SZT2: variants seen among roughly 807,000 people sequenced by gnomAD.
The protein encoded by SZT2 is KICSTOR complex protein SZT2.
Under a neutral mutation model 404.2 loss-of-function variants are expected in SZT2, and 216 were observed. The ratio of observed to expected loss-of-function variants is 0.53; its 90% confidence interval spans 0.48 to 0.60. The LOEUF is 0.60. SZT2 is among the 20% of genes least tolerant of loss of function. The pLI, the probability that SZT2 is intolerant of heterozygous loss-of-function variation, is 0.00. For missense variants in SZT2, 3,857 were observed against 4,459.2 expected (o/e 0.86, Z 3.85); for synonymous variants, 1,693 against 1,749.9 (o/e 0.97, Z 0.81).
In SZT2 at chr1:43,450,308, C is replaced by A. The variant is rs753611398; in HGVS notation, c.10156-29C>A. 5.6e-6 allele frequency: 9 copies of A among 1,613,748 alleles called. No homozygotes were observed. In the African/African-American group the frequency reaches 1.2e-4, roughly 22 times the overall value. ...TATCCCCACCCATGCCCTCCTCTCA[C>A]CAGTGCATCCCCACCGTGTTCCCCA... On this transcript the variant is annotated intron_variant, in intron 71 of 71. Transcript: ENST00000634258. This position sits in a 1 kb window ranked among gnomAD's most constrained non-coding sequence, Gnocchi z 4.3.
chr1:43,404,039 C>G (rs1649998328), intron 3 of SZT2: 8 of 527,388 alleles, frequency 1.5e-5, no homozygotes, highest in Non-Finnish European at 2.4e-5. Flanking sequence ...GCAAAACTCC[C>G]TCTCTATAAA....
Position 43,450,685 on chromosome 1 carries a change from T to A in SZT2, c.*205T>A. ...GCCCTCCCCAAACACCCACAGCCAC[T>A]GACCCATCCAGGACTCCAGAGAGTC... is the stretch of plus-strand genomic sequence containing the variant. On this transcript the variant is annotated 3_prime_UTR_variant, in exon 72 of 72. Transcript: ENST00000634258. This position sits in a 1 kb window ranked among gnomAD's most constrained non-coding sequence, Gnocchi z 4.3. 1.3e-6 allele frequency: 1 copy of A among 783,572 alleles called. No individual in the cohort carries two copies. Among genetic ancestry groups the A allele is most frequent in the Non-Finnish European group, 2.1e-6 (1 of 481,668 alleles). 48.5% of individuals were successfully genotyped at this position (783,572 alleles called of 1,614,324 possible).
Position 43,427,290 on chromosome 1 carries a change from G to T in SZT2, c.3443G>T (p.Arg1148Leu), listed in dbSNP as rs142611359. The change falls in exon 25 of 72, where the codon CGT becomes CTT. Residue 1148 changes from arginine (R) to leucine (L), a missense_variant. Physicochemically the swap from Arg to Leu is moderately radical, Grantham distance 102. This residue lies in a region of SZT2 where 1,725 missense variants were observed against 1,881.0 expected (regional missense o/e 0.92). Coordinates refer to ENST00000634258, the MANE Select transcript of SZT2 (RefSeq NM_001365999.1). ...GTCTGATCCTCTTCAGATGTCCAGC[G>T]TCTGGCTGCCTGTGGCCTGGAGGGA... Reference protein sequence around the residue: ...FLPATFSDVQRLAACGLEGPP... With the variant: ...FLPATFSDVQLLAACGLEGPP... The T allele has an allele frequency of 5.6e-6, 9 of 1,609,968 alleles. No homozygotes were observed. In the South Asian group the frequency reaches 9.9e-5, roughly 18 times the overall value.
chr1:43,416,933 G>A (rs1212709687), intron 7 of SZT2, among the ~76,000 whole-genome samples: 1 of 152,092 alleles, frequency 6.6e-6, no homozygotes, highest in African/African-American at 2.4e-5. Flanking sequence ...TTATTGTTTT[G>A]AGTGCAAGGG....
Position 43,424,314 on chromosome 1 carries a change from A to G in SZT2, c.2353A>G (p.Ser785Gly), listed in dbSNP as rs754599484. The G allele has an allele frequency of 1.2e-5, 19 of 1,597,912 alleles. No homozygotes were observed. In the Admixed American group the frequency reaches 3.0e-4, roughly 25 times the overall value. Residue 785 changes from serine (S) to glycine (G), a missense_variant, in exon 16 of 72, where the codon AGC becomes GGC. By Grantham distance (56) the Ser-to-Gly change is moderately conservative. Coordinates refer to ENST00000634258, the MANE Select transcript of SZT2 (RefSeq NM_001365999.1). The surrounding 1 kb of genome is among the most constrained non-coding windows in gnomAD (Gnocchi z 4.1). Reference protein sequence around the residue: ...PLVSGRSASSSLASLSRYLYH... With the variant: ...PLVSGRSASSGLASLSRYLYH... ...GGTGTCAGGCCGCTCAGCCTCTTCTAGCCTGGCGTCACTGTCCCGCTACCT... is the reference window on the plus strand; with the variant it reads ...GGTGTCAGGCCGCTCAGCCTCTTCTGGCCTGGCGTCACTGTCCCGCTACCT...
intron 1 of SZT2, among the ~76,000 whole-genome samples, chr1:43,391,265 G>A (rs934956940): frequency 6.6e-6 from 1 of 151,578 alleles, no homozygotes. Context: ...GATGAGCTGA[G>A]ATCATGCCAT....
At position 43,438,837 on chromosome 1, in the gene SZT2, C is replaced by G; in HGVS notation, c.6627+20C>G. ...GTGGAGGTCAGCTCCCCTCTAGGCA[C>G]CAGCATCCTTCCCAGACTCAGCCAC... On this transcript the variant is annotated intron_variant, in intron 47 of 71. Transcript: ENST00000634258. 6.2e-7 allele frequency: 1 copy of G among 1,611,600 alleles called. No homozygotes were observed. The highest frequency in any genetic ancestry group is 8.5e-7 in the Non-Finnish European group (1 of 1,178,254).
At chr1:43,438,597 C>T in intron 46 of SZT2, 102 bp from the exon 47 acceptor site, 2 of 1,110,984 alleles carry the variant, frequency 1.8e-6, no homozygotes, top group Non-Finnish European at 2.7e-6. Flanking sequence ...AACACTGCCT[C>T]TAGTATACAG....
Position 43,453,712 on chromosome 1 carries a change from C to T in SZT2, c.*3232C>T. 7.1e-7 allele frequency: 1 copy of T among 1,407,210 alleles called. No individual in the cohort carries two copies. Among genetic ancestry groups the T allele is most frequent in the Non-Finnish European group, 9.2e-7 (1 of 1,091,020 alleles). The allele number at this position is 1,407,210 out of a possible 1,614,324, so 87.2% of individuals were successfully genotyped here. ...TCGACGGCCTCGAAGCCCGAGCTGCCCGCGGCCCGCACCCGCGCGGGGAGG... is the reference window on the plus strand; with the variant it reads ...TCGACGGCCTCGAAGCCCGAGCTGCTCGCGGCCCGCACCCGCGCGGGGAGG... On this transcript the variant is annotated 3_prime_UTR_variant, in exon 72 of 72. Coordinates refer to ENST00000634258, the MANE Select transcript of SZT2 (RefSeq NM_001365999.1).
intron 32 of SZT2, 74 bp from the exon 33 acceptor site, chr1:43,430,874 CT>C: frequency 6.3e-7 from 1 of 1,583,508 alleles, no homozygotes; most frequent in Non-Finnish European, 8.6e-7. Flanking sequence ...AGGGTTATGT[CT>C]TTTAACACAT....
Position 43,446,279 on chromosome 1 carries a change from AGT to A in SZT2, c.8997+22_8997+23del. On this transcript the variant is annotated intron_variant, in intron 64 of 71. Coordinates refer to ENST00000634258, the MANE Select transcript of SZT2 (RefSeq NM_001365999.1). ...TTCCAGGTAAGCAGGAGGAGCACTG[AGT>A]GGAGACAGCCAGACCCACCTGTCTC... 6.2e-7 allele frequency: 1 copy of A among 1,614,200 alleles called. No homozygotes were observed. The highest frequency in any genetic ancestry group is 1.1e-5 in the South Asian group (1 of 91,088).
At chr1:43,400,482 CACTTACT>C (rs1391648836) in intron 1 of SZT2, among the ~76,000 whole-genome samples, 2 of 152,232 alleles carry the variant, frequency 1.3e-5, no homozygotes, top group Non-Finnish European at 2.9e-5. Flanking sequence ...TCTGAGCCTA[CACTTACT>C]ACTTACGTTG....
chr1:43,446,560 C>A, intron 65 of SZT2, 144 bp downstream of exon 65: 3 of 962,210 alleles, frequency 3.1e-6, no homozygotes, highest in South Asian at 3.0e-5. Context: ...CTGGCTAGGT[C>A]AGTGCTCATT....
chr1:43,442,422 C>A lies in SZT2; in HGVS notation c.7975-20C>A. 1 of 1,612,124 alleles carries A rather than the reference C, an allele frequency of 6.2e-7. No homozygotes were observed. The highest frequency in any genetic ancestry group is 2.2e-5 in the East Asian group (1 of 44,848). ...AAGAGGGGTTCCGTGATCTCACTGA[C>A]CCTGACCCCCGACCTCCAGCTACAG... is the stretch of plus-strand genomic sequence containing the variant. On this transcript the variant is annotated intron_variant, in intron 57 of 71. Transcript: ENST00000634258. The surrounding 1 kb of genome is among the most constrained non-coding windows in gnomAD (Gnocchi z 4.5).
intron 4 of SZT2, among the ~76,000 whole-genome samples, chr1:43,414,543 C>T (rs1028893013): frequency 7.2e-5 from 11 of 152,146 alleles, no homozygotes; most frequent in South Asian, 4.2e-4. Flanking sequence ...TCTCTTGCCT[C>T]CCAAGTAGCT....
In SZT2 at chr1:43,454,091, C is replaced by G; in HGVS notation, c.*3611C>G. 1.8e-6 allele frequency: 2 copies of G among 1,093,220 alleles called. No homozygotes were observed. Among genetic ancestry groups the G allele is most frequent in the Non-Finnish European group, 2.2e-6 (2 of 898,918 alleles). 67.7% of individuals were successfully genotyped at this position (1,093,220 alleles called of 1,614,324 possible). On this transcript the variant is annotated 3_prime_UTR_variant, in exon 72 of 72. Coordinates refer to ENST00000634258, the MANE Select transcript of SZT2 (RefSeq NM_001365999.1). ...AGCTCCAGGGCCTGAGAGCCGGACG[C>G]GAAGCAAGAGAGAGCTGGCTGCCCG...
chr1:43,442,317 G>A lies in SZT2; in HGVS notation c.7923G>A (p.Gly2641=). 19 of 1,614,146 alleles carry A rather than the reference G, an allele frequency of 1.2e-5. No individual in the cohort carries two copies. The highest frequency in any genetic ancestry group is 1.6e-4 in the Middle Eastern group (1 of 6,062). Reference sequence around the variant, plus strand: ...AGCCAGGAGGTGATGGGAGCTCAGGGCGAAATGCTCCCCGGCAGAGGCTCT... The same window carrying A: ...AGCCAGGAGGTGATGGGAGCTCAGGACGAAATGCTCCCCGGCAGAGGCTCT... ...RFEPGGDGSS[G]RNAPRQRLLL... is the part of the protein sequence containing the mutation. The change falls in exon 57 of 72, where the codon GGG becomes GGA. Residue 2641 remains glycine, a synonymous_variant. Coordinates refer to ENST00000634258, the MANE Select transcript of SZT2 (RefSeq NM_001365999.1). This position sits in a 1 kb window ranked among gnomAD's most constrained non-coding sequence, Gnocchi z 4.5.
chr1:43,403,030 A>G, intron 1 of SZT2, 147 bp from the exon 2 acceptor site: 2 of 794,052 alleles, frequency 2.5e-6, no homozygotes. Context: ...AACACCTTGC[A>G]TGGAGGTTGG....
chr1:43,427,479 G>T (rs1653303448), intron 25 of SZT2, 34 bp downstream of exon 25: 1 of 1,612,082 alleles, frequency 6.2e-7, no homozygotes, highest in African/African-American at 1.3e-5. Flanking sequence ...GCAGGAGTGG[G>T]AGTGGGAAAC....
Sources: gnomAD v4.1 joint callset for allele counts (sites outside exome capture counted in the v4.1 genomes callset) on GRCh38, gnomAD v4.1.1 for gene constraint, gnomAD v4.1.1 regional missense constraint, Gnocchi (gnomAD v3.1) non-coding constraint, MANE v1.5 for transcripts, NCBI Gene and HGNC (gene_info 2026-07-23, HGNC 2026-07-21) for gene names.